The following ZFYVE28 variants were observed in gnomAD, a reference collection of about 807,000 sequenced individuals.
ZFYVE28 encodes lateral signaling target protein 2 homolog.
In ZFYVE28, 40 loss-of-function variants were observed where a neutral mutation model predicts 82.1. The observed-to-expected ratio is 0.49, with a 90% confidence interval of 0.38 to 0.63. The LOEUF is 0.63. ZFYVE28 is among the 30% of genes least tolerant of loss of function. ZFYVE28 has a pLI of 0.00. For synonymous variants in ZFYVE28, 612 were observed against 546.1 expected (o/e 1.12, Z -1.68); for missense variants, 1,321 against 1,242.1 (o/e 1.06, Z -0.96).
At position 2,409,569 on chromosome 4, in the gene ZFYVE28, GC is replaced by G. The variant is rs1198561163; in HGVS notation, c.39+8715del. On this transcript the variant is annotated intron_variant, in intron 1 of 12. Transcript: ENST00000290974. The surrounding 1 kb of genome is among the most constrained non-coding windows in gnomAD (Gnocchi z 4.4). The stretch of plus-strand genomic sequence containing the variant: ...CAGCCCCCTCGCCCCCACTCCGCTG[GC>G]TGCTCGCTGTCCCTCCGATCCCTGG... 6.6e-6 allele frequency among the ~76,000 whole-genome samples: 1 copy of G among 152,216 alleles called. No individual in the cohort carries two copies. Among genetic ancestry groups the G allele is most frequent in the African/African-American group, 2.4e-5 (1 of 41,466 alleles).
Position 2,300,184 on chromosome 4 carries a change from G to A in ZFYVE28, c.2051+4105C>T, listed in dbSNP as rs569300672. 1.3e-5 allele frequency among the ~76,000 whole-genome samples: 2 copies of A among 152,334 alleles called. No homozygotes were observed. The highest frequency in any genetic ancestry group is 3.9e-4 in the East Asian group (2 of 5,194). On this transcript the variant is annotated intron_variant, in intron 8 of 12. Coordinates refer to ENST00000290974, the MANE Select transcript of ZFYVE28 (RefSeq NM_020972.3). The surrounding 1 kb of genome is among the most constrained non-coding windows in gnomAD (Gnocchi z 4.6). Reference sequence around the variant, plus strand: ...CAGGGAGTCAGTGTTACTTTTTGCAGAAGGCAAAGGCTGGAAATCCACTTC... The same window carrying A: ...CAGGGAGTCAGTGTTACTTTTTGCAAAAGGCAAAGGCTGGAAATCCACTTC...
At chr4:2,361,000 T>C (rs1423534639) in intron 1 of ZFYVE28, among the ~76,000 whole-genome samples, 1 of 152,170 alleles carries the variant, frequency 6.6e-6, no homozygotes, top group Non-Finnish European at 1.5e-5. Context: ...ATAAAGGGAA[T>C]CAATTGATAT....
intron 7 of ZFYVE28, among the ~76,000 whole-genome samples, chr4:2,311,397 G>T (rs1717451916): frequency 6.6e-6 from 1 of 152,054 alleles, no homozygotes; most frequent in African/African-American, 2.4e-5. Flanking sequence ...GTGGTGGCAG[G>T]CATCTGTAAT....
rs753176189 is a variant in ZFYVE28 at position 2,341,570 on chromosome 4, G to T, written c.226C>A (p.Pro76Thr). The T allele has an allele frequency of 4.3e-6, 7 of 1,613,922 alleles. No individual in the cohort carries two copies. The highest frequency in any genetic ancestry group is 1.7e-5 in the Admixed American group (1 of 59,996). Residue 76 changes from proline (P) to threonine (T), a missense_variant, in exon 3 of 13, where the codon CCC becomes ACC. Pro to Thr is a conservative substitution (Grantham distance 38). This residue lies in a region of ZFYVE28 where 343 missense variants were observed against 408.4 expected (regional missense o/e 0.84). Coordinates refer to ENST00000290974, the MANE Select transcript of ZFYVE28 (RefSeq NM_020972.3). The surrounding 1 kb of genome is among the most constrained non-coding windows in gnomAD (Gnocchi z 4.5). Reference sequence around the variant, plus strand: ...AAATCTCTGGGGGCGCGGTCCTGGGGGATGCACTCATCCATGATCTGGTTA... The same window carrying T: ...AAATCTCTGGGGGCGCGGTCCTGGGTGATGCACTCATCCATGATCTGGTTA... ...IINQIMDECI[P>T]QDRAPRDFCV... is the part of the protein sequence containing the mutation.
intron 8 of ZFYVE28, among the ~76,000 whole-genome samples, chr4:2,275,283 G>A (rs1453599667): frequency 6.6e-6 from 1 of 152,182 alleles, no homozygotes; most frequent in Non-Finnish European, 1.5e-5. Flanking sequence ...GTTCACAGCT[G>A]GGCCTGTACT....
chr4:2,293,777 T>C (rs1263140713), intron 8 of ZFYVE28, among the ~76,000 whole-genome samples: 1 of 139,836 alleles, frequency 7.2e-6, no homozygotes, highest in Non-Finnish European at 1.6e-5. Flanking sequence ...AAAAATCTTC[T>C]AGAAGATCTA....
intron 4 of ZFYVE28, among the ~76,000 whole-genome samples, chr4:2,338,928 G>A (rs761930155): frequency 1.3e-5 from 2 of 152,246 alleles, no homozygotes; most frequent in African/African-American, 2.4e-5. Flanking sequence ...GGGTTCAAGC[G>A]GTTCTCTTGC....
At position 2,304,424 on chromosome 4, in the gene ZFYVE28, G is replaced by A; in HGVS notation, c.1916C>T (p.Ser639Leu). 14 of 1,613,632 alleles carry A rather than the reference G, an allele frequency of 8.7e-6. No individual in the cohort carries two copies. Among genetic ancestry groups the A allele is most frequent in the South Asian group, 4.4e-5 (4 of 91,088 alleles). Residue 639 changes from serine (S) to leucine (L), a missense_variant, in exon 8 of 13, where the codon TCA (serine) becomes TTA (leucine). Transcript: ENST00000290974. ...PTSDKCLPHT[S>L]GSQVDTASGL... is the part of the protein sequence containing the mutation. ...ACTCGCTGTGTCCACCTGGGAACCTGAGGTGTGAGGCAGGCACTTGTCGGA... is the reference window on the plus strand; with the variant it reads ...ACTCGCTGTGTCCACCTGGGAACCTAAGGTGTGAGGCAGGCACTTGTCGGA...
Position 2,418,303 on chromosome 4 carries a change from C to G in ZFYVE28, c.21G>C (p.Lys7Asn). The G allele has an allele frequency of 6.5e-7, 1 of 1,534,170 alleles. No homozygotes were observed. Among genetic ancestry groups the G allele is most frequent in the Non-Finnish European group, 8.8e-7 (1 of 1,139,398 alleles). MMNRFRKWLYKPKRSDP... is the reference protein window; with the variant it reads MMNRFRNWLYKPKRSDP... ...CGCTCACCTTGGGTTTGTAGAGCCACTTTCGGAACCTGTTCATCATCGCCG... is the reference window on the plus strand; with the variant it reads ...CGCTCACCTTGGGTTTGTAGAGCCAGTTTCGGAACCTGTTCATCATCGCCG... The change falls in exon 1 of 13, where the codon AAG becomes AAC. Residue 7 changes from lysine (K) to asparagine (N), a missense_variant. Physicochemically the swap from Lys to Asn is moderately conservative, Grantham distance 94. Transcript: ENST00000290974. The surrounding 1 kb of genome is among the most constrained non-coding windows in gnomAD (Gnocchi z 4.6).
intron 6 of ZFYVE28, among the ~76,000 whole-genome samples, chr4:2,334,237 G>C (rs965990806): frequency 6.6e-6 from 1 of 152,138 alleles, no homozygotes; most frequent in African/African-American, 2.4e-5. Flanking sequence ...GGGAGCCAGG[G>C]CCCAGCAGAT....
chr4:2,333,188 G>T (rs1275721444), intron 6 of ZFYVE28, among the ~76,000 whole-genome samples: 1 of 90,090 alleles, frequency 1.1e-5, no homozygotes, highest in Non-Finnish European at 2.3e-5. Flanking sequence ...GGCCTCCCCC[G>T]CAGCACTGGC....
chr4:2,270,962 G>T (rs1340947433), intron 12 of ZFYVE28, 106 bp from the exon 13 acceptor site: 8 of 1,489,968 alleles, frequency 5.4e-6, no homozygotes, highest in Non-Finnish European at 6.3e-6. Context: ...CGCATTGGTG[G>T]GTGGGGACTG....
chr4:2,404,099 T>G (rs1731516821), intron 1 of ZFYVE28, among the ~76,000 whole-genome samples: 1 of 151,270 alleles, frequency 6.6e-6, no homozygotes, highest in African/African-American at 2.4e-5. Context: ...GACGGGCGGA[T>G]CACGAGGTCA....
chr4:2,346,202 C>T (rs1202310726), intron 2 of ZFYVE28, among the ~76,000 whole-genome samples: 2 of 149,036 alleles, frequency 1.3e-5, no homozygotes, highest in East Asian at 1.9e-4. Flanking sequence ...ATTAGCCGGG[C>T]GTGGTGGTGG....
At position 2,332,160 on chromosome 4, in the gene ZFYVE28, C is replaced by A. The variant is rs1188665894; in HGVS notation, c.701+3545G>T. On this transcript the variant is annotated intron_variant, in intron 6 of 12. Coordinates refer to ENST00000290974, the MANE Select transcript of ZFYVE28 (RefSeq NM_020972.3). This position sits in a 1 kb window ranked among gnomAD's most constrained non-coding sequence, Gnocchi z 4.7. ...GGCAGGAGCCACAGAGGAGCTCCAC[C>A]CTCAGCTCCTGCCCCGCTCAGCACC... Among the ~76,000 whole-genome samples, 1 of 152,182 alleles carries A rather than the reference C, an allele frequency of 6.6e-6. No homozygotes were observed. The highest frequency in any genetic ancestry group is 1.5e-5 in the Non-Finnish European group (1 of 68,014).
chr4:2,385,861 G>T (rs1729205531), intron 1 of ZFYVE28, among the ~76,000 whole-genome samples: 1 of 152,244 alleles, frequency 6.6e-6, no homozygotes, highest in South Asian at 2.1e-4. Context: ...GGACCCATCT[G>T]GTTCTCCGGG....
chr4:2,330,617 AG>A (rs942412398), intron 6 of ZFYVE28: 1 of 1,335,622 alleles, frequency 7.5e-7, no homozygotes, highest in Admixed American at 3.3e-5. Context: ...AGCATAGACA[AG>A]GGGACAGCAT....
chr4:2,359,174 G>A (rs1725773146), intron 1 of ZFYVE28, among the ~76,000 whole-genome samples: 1 of 151,544 alleles, frequency 6.6e-6, no homozygotes, highest in African/African-American at 2.4e-5. Context: ...GTAGAGATGG[G>A]GTTTCATCGT....
chr4:2,313,423 T>TA (rs1717772948), intron 7 of ZFYVE28, among the ~76,000 whole-genome samples: 1 of 151,894 alleles, frequency 6.6e-6, no homozygotes, highest in Admixed American at 6.6e-5. Context: ...ACCACACCCA[T>TA]TTTTTTACAT....
Sources: allele counts gnomAD v4.1 joint callset (sites outside exome capture counted in the v4.1 genomes callset), GRCh38; gene constraint gnomAD v4.1.1; regional missense constraint gnomAD v4.1.1; non-coding constraint Gnocchi (gnomAD v3.1); transcripts MANE v1.5; gene names NCBI Gene and HGNC (gene_info 2026-07-23, HGNC 2026-07-21).